The following KIAA1328 variants were observed in gnomAD, a reference collection of about 807,000 sequenced individuals.
The protein encoded by KIAA1328 is protein hinderin.
KIAA1328 carries 52 observed loss-of-function variants against 68.1 expected under a neutral mutation model. The observed-to-expected ratio is 0.76, with a 90% CI of 0.61 to 0.96. The LOEUF is 0.96. Among genes scored for constraint, KIAA1328 ranks in the 40% least tolerant of loss-of-function variants. The probability of loss-of-function intolerance (pLI) is 0.00; values close to 1 mark genes in which losing one functional copy is unlikely to be tolerated. For missense variants in KIAA1328, 641 were observed against 677.6 expected, an observed-to-expected ratio of 0.95 and a Z score of 0.60; for synonymous variants, 232 against 239.4, an observed-to-expected ratio of 0.97 and a Z score of 0.28.
chr18:36,949,602 C>CCA (rs1556833377), intron 5 of KIAA1328, among the ~76,000 whole-genome samples: 1 of 99,648 alleles, frequency 1.0e-5, no homozygotes, highest in Non-Finnish European at 2.0e-5. Flanking sequence ...CCAGCTCCCC[C>CCA]CCCCCCACCC....
At chr18:36,979,127 A>G (rs1188546740) in intron 6 of KIAA1328, among the ~76,000 whole-genome samples, 2 of 152,148 alleles carry the variant, frequency 1.3e-5, no homozygotes, top group Admixed American at 6.5e-5. Flanking sequence ...CCATTGTACC[A>G]CTGCAGCCTG....
intron 7 of KIAA1328, among the ~76,000 whole-genome samples, chr18:37,096,253 C>G (rs928463980): frequency 6.4e-4 from 97 of 152,238 alleles, no homozygotes; most frequent in African/African-American, 2.3e-3. Context: ...ACAGGCCCCG[C>G]TGTGTGATGT....
chr18:36,948,890 T>C (rs1360817631), intron 5 of KIAA1328, among the ~76,000 whole-genome samples: 2 of 152,226 alleles, frequency 1.3e-5, no homozygotes, highest in African/African-American at 4.8e-5. Flanking sequence ...TGTTTGGAGC[T>C]GGTAGTTTTC....
chr18:37,026,102 C>A (rs1232723655), intron 6 of KIAA1328, among the ~76,000 whole-genome samples: 1 of 152,160 alleles, frequency 6.6e-6, no homozygotes, highest in Non-Finnish European at 1.5e-5. Flanking sequence ...CAACTGTATG[C>A]AAATAAACTA....
intron 5 of KIAA1328, among the ~76,000 whole-genome samples, chr18:36,933,636 G>A (rs968367510): frequency 1.3e-5 from 2 of 152,248 alleles, no homozygotes; most frequent in African/African-American, 2.4e-5. Flanking sequence ...CCAGCCCACA[G>A]TTCTGTCCTC....
chr18:37,145,472 A>G (rs746418880), intron 7 of KIAA1328, among the ~76,000 whole-genome samples: 12 of 152,222 alleles, frequency 7.9e-5, no homozygotes, highest in Admixed American at 1.3e-4. Context: ...AAATTGATCA[A>G]TAGTATTGTT....
At chr18:37,119,049 T>G (rs1313411482) in intron 7 of KIAA1328, among the ~76,000 whole-genome samples, 2 of 152,194 alleles carry the variant, frequency 1.3e-5, no homozygotes, top group Admixed American at 1.3e-4. Context: ...AATTACCATA[T>G]TTCATTTTCT....
intron 9 of KIAA1328, among the ~76,000 whole-genome samples, chr18:37,185,165 C>CAAA (rs879479961): frequency 8.3e-6 from 1 of 120,002 alleles, no homozygotes. Context: ...GACTCCATCT[C>CAAA]AAAAAAAAAA....
At chr18:36,900,460 G>A (rs1017092129) in intron 5 of KIAA1328, among the ~76,000 whole-genome samples, 3 of 151,916 alleles carry the variant, frequency 2.0e-5, no homozygotes, top group East Asian at 1.9e-4. Flanking sequence ...ACTTGTAGCA[G>A]TAATGAGTTC....
Position 37,051,130 on chromosome 18 carries a change from G to C in KIAA1328, c.577-15760G>C, listed in dbSNP as rs576427041. Among the ~76,000 whole-genome samples, 5 of 151,926 alleles carry C rather than the reference G, an allele frequency of 3.3e-5. No homozygotes were observed. The South Asian group carries it at 1.0e-3, about 32-fold the overall frequency. On this transcript the variant is annotated intron_variant, in intron 6 of 9. Transcript: ENST00000280020. ...TCCATGATGTCTCGTCATTTTTATA[G>C]CAACTCAAAAAATTTCAACTTTCAC...
intron 1 of KIAA1328, among the ~76,000 whole-genome samples, chr18:36,833,602 G>T (rs1323668888): frequency 2.0e-5 from 3 of 152,148 alleles, no homozygotes; most frequent in African/African-American, 7.2e-5. Context: ...AGGCTGTTAA[G>T]GGAACATGCA....
At chr18:36,991,787 C>T (rs2053188761) in intron 6 of KIAA1328, among the ~76,000 whole-genome samples, 1 of 152,128 alleles carries the variant, frequency 6.6e-6, no homozygotes, top group Non-Finnish European at 1.5e-5. Context: ...GTAGCGTCTT[C>T]ACATGATTTA....
At chr18:37,131,399 C>G (rs559451573) in intron 7 of KIAA1328, among the ~76,000 whole-genome samples, 35 of 152,264 alleles carry the variant, frequency 2.3e-4, no homozygotes, top group African/African-American at 7.7e-4. Context: ...TCCTTTGATT[C>G]TGTGTTTGTA....
At chr18:37,047,711 C>G (rs1266970389) in intron 6 of KIAA1328, among the ~76,000 whole-genome samples, 1 of 152,150 alleles carries the variant, frequency 6.6e-6, no homozygotes, top group African/African-American at 2.4e-5. Flanking sequence ...AAAACTAATT[C>G]CCCTGCTGCT....
At chr18:37,067,676 C>G (rs1032591034) in intron 7 of KIAA1328, 131 bp downstream of exon 7, 9 of 965,664 alleles carry the variant, frequency 9.3e-6, no homozygotes, top group Non-Finnish European at 1.3e-5. Context: ...TTCTCTGCCT[C>G]AGCCTCCCGA....
intron 7 of KIAA1328, among the ~76,000 whole-genome samples, chr18:37,068,338 A>G (rs146786711): frequency 9.2e-5 from 14 of 152,276 alleles, no homozygotes; most frequent in Middle Eastern, 3.4e-3. Flanking sequence ...ATGAAGCATG[A>G]CCTGTTGAAT....
chr18:37,077,615 A>G (rs1414037697), intron 7 of KIAA1328, among the ~76,000 whole-genome samples: 3 of 151,900 alleles, frequency 2.0e-5, no homozygotes, highest in East Asian at 1.9e-4. Flanking sequence ...CCTTAAGCTG[A>G]TAAGCAACTT....
Position 36,844,192 on chromosome 18 carries a change from AT to A in KIAA1328, c.238-4del, listed in dbSNP as rs372565622. On this transcript the variant is annotated splice_polypyrimidine_tract_variant and intron_variant, in intron 3 of 9. Coordinates refer to ENST00000280020, the MANE Select transcript of KIAA1328 (RefSeq NM_020776.3). Reference sequence around the variant, plus strand: ...TTGGTTTTAGAAAAAGTGTAACTAAATTTTTTTTTTTTAAGAATTCCTGCAG... The same window carrying A: ...TTGGTTTTAGAAAAAGTGTAACTAAATTTTTTTTTTTAAGAATTCCTGCAG... The A allele has an allele frequency of 0.016, 17,651 of 1,089,980 alleles. 9 individuals are homozygous for A. Among genetic ancestry groups the A allele is most frequent in the South Asian group, 0.041 (2,374 of 57,298 alleles). The allele number at this position is 1,089,980 out of a possible 1,614,324, so 67.5% of individuals were successfully genotyped here.
chr18:36,867,003 T>C (rs2047775632), intron 4 of KIAA1328, among the ~76,000 whole-genome samples: 2 of 152,196 alleles, frequency 1.3e-5, no homozygotes, highest in African/African-American at 4.8e-5. Flanking sequence ...CAGAAGGATA[T>C]AATATTCATC....
Sources: gnomAD v4.1 joint callset for allele counts (sites outside exome capture counted in the v4.1 genomes callset) on GRCh38, gnomAD v4.1.1 for gene constraint, MANE v1.5 for transcripts, NCBI Gene and HGNC (gene_info 2026-07-23, HGNC 2026-07-21) for gene names.